Variants in SNTG2 observed in about 807,000 individuals in gnomAD.
SNTG2 encodes syntrophin gamma 2.
SNTG2 carries 74 observed loss-of-function variants against 70.9 expected under a neutral mutation model. That is an observed-to-expected ratio of 1.04 (90% CI 0.86 to 1.27). The LOEUF is 1.27. Among genes scored for constraint, SNTG2 ranks in the 50% most tolerant of loss-of-function variants. The pLI, the probability that SNTG2 is intolerant of heterozygous loss-of-function variation, is 0.00. For synonymous variants in SNTG2, 278 were observed against 273.8 expected, an observed-to-expected ratio of 1.02 and a Z score of -0.15; for missense variants, 717 against 690.7, an observed-to-expected ratio of 1.04 and a Z score of -0.43.
intron 1 of SNTG2, among the ~76,000 whole-genome samples, chr2:1,019,868 C>A (rs997068594): frequency 1.8e-4 from 27 of 152,006 alleles, no homozygotes; most frequent in African/African-American, 5.8e-4. Context: ...CATGGTGAAA[C>A]CCCGTCTCTA....
chr2:1,320,490 G>A (rs1681469051), intron 16 of SNTG2, among the ~76,000 whole-genome samples: 1 of 144,754 alleles, frequency 6.9e-6, no homozygotes, highest in East Asian at 2.0e-4. Context: ...CGAGATCATC[G>A]CGCCACTGTA....
At chr2:1,188,122 G>A (rs901258132) in intron 8 of SNTG2, among the ~76,000 whole-genome samples, 46 of 152,310 alleles carry the variant, frequency 3.0e-4, no homozygotes, top group Middle Eastern at 3.4e-3. Flanking sequence ...CAGACACAGC[G>A]TGCTGAAAAC....
chr2:1,266,820 C>G (rs1455474639), intron 13 of SNTG2, among the ~76,000 whole-genome samples: 1 of 127,102 alleles, frequency 7.9e-6, no homozygotes, highest in Non-Finnish European at 1.6e-5. Context: ...GTGGTGTGAT[C>G]TTGGCTTTCT....
chr2:1,312,785 T>G (rs1469513499), intron 15 of SNTG2, among the ~76,000 whole-genome samples: 1 of 152,206 alleles, frequency 6.6e-6, no homozygotes, highest in Admixed American at 6.5e-5. Context: ...CCATGGGACC[T>G]GCTCCTTAGC....
intron 1 of SNTG2, among the ~76,000 whole-genome samples, chr2:1,069,949 C>T (rs1224479370): frequency 5.3e-5 from 8 of 152,110 alleles, no homozygotes; most frequent in African/African-American, 4.8e-5. Flanking sequence ...GCCTAGGTTC[C>T]CTGGACGCTC....
chr2:1,031,507 G>GTTTT (rs1186081047), intron 1 of SNTG2, among the ~76,000 whole-genome samples: 1 of 78,362 alleles, frequency 1.3e-5, no homozygotes, highest in Non-Finnish European at 2.3e-5. Flanking sequence ...ATAGTTCATT[G>GTTTT]TTATATATAT....
At chr2:1,176,651 A>G (rs1671496510) in intron 8 of SNTG2, among the ~76,000 whole-genome samples, 1 of 59,732 alleles carries the variant, frequency 1.7e-5, no homozygotes, top group African/African-American at 6.9e-5. Context: ...AATTTACAAG[A>G]AAAAAAAAAA....
intron 4 of SNTG2, among the ~76,000 whole-genome samples, chr2:1,117,997 G>A (rs1465492684): frequency 6.6e-6 from 1 of 152,072 alleles, no homozygotes. Context: ...ACAGTGCTAT[G>A]TCCAGCCCCC....
At chr2:1,072,275 C>G (rs1053850432) in intron 1 of SNTG2, among the ~76,000 whole-genome samples, 10 of 150,684 alleles carry the variant, frequency 6.6e-5, no homozygotes, top group African/African-American at 2.2e-4. Context: ...CTCTCTTATT[C>G]TGGGCTAATG....
At chr2:1,075,952 A>T (rs986015089) in intron 1 of SNTG2, among the ~76,000 whole-genome samples, 1 of 152,174 alleles carries the variant, frequency 6.6e-6, no homozygotes, top group Non-Finnish European at 1.5e-5. Flanking sequence ...CTCCTTTTAC[A>T]GATCAGGAAG....
chr2:1,229,126 CA>C (rs1676007704), intron 9 of SNTG2, among the ~76,000 whole-genome samples: 1 of 152,100 alleles, frequency 6.6e-6, no homozygotes, highest in Non-Finnish European at 1.5e-5. Flanking sequence ...AAAGCTTCCA[CA>C]GTGTGGAAGG....
intron 16 of SNTG2, among the ~76,000 whole-genome samples, chr2:1,356,110 G>T (rs1484326548): frequency 1.3e-5 from 2 of 152,134 alleles, no homozygotes; most frequent in Admixed American, 6.5e-5. Flanking sequence ...GATATGGTTT[G>T]TAGGTATTTT....
At chr2:984,862 A>T (rs190253321) in intron 1 of SNTG2, among the ~76,000 whole-genome samples, 1 of 152,192 alleles carries the variant, frequency 6.6e-6, no homozygotes, top group Admixed American at 6.5e-5. Flanking sequence ...TCTAATGCTT[A>T]TTTTATTGGG....
At chr2:1,296,262 C>T (rs1238108688) in intron 14 of SNTG2, among the ~76,000 whole-genome samples, 1 of 152,238 alleles carries the variant, frequency 6.6e-6, no homozygotes, top group African/African-American at 2.4e-5. Flanking sequence ...AGCTGCTGAC[C>T]AACTGGGTGC....
At chr2:1,113,519 G>T (rs1244885189) in intron 4 of SNTG2, among the ~76,000 whole-genome samples, 2 of 152,018 alleles carry the variant, frequency 1.3e-5, no homozygotes, top group East Asian at 3.9e-4. Flanking sequence ...CTTTGACGAG[G>T]ATTGTGTGTA....
intron 1 of SNTG2, among the ~76,000 whole-genome samples, chr2:1,046,682 T>G (rs1661755101): frequency 6.6e-6 from 1 of 152,174 alleles, no homozygotes; most frequent in Non-Finnish European, 1.5e-5. Context: ...TGAATATAGG[T>G]CTCCAATCTC....
chr2:1,349,223 A>G (rs1419314226), intron 16 of SNTG2, among the ~76,000 whole-genome samples: 1 of 152,188 alleles, frequency 6.6e-6, no homozygotes, highest in Non-Finnish European at 1.5e-5. Flanking sequence ...TCACTGGTCC[A>G]AGTGGCATCA....
In SNTG2 at chr2:1,259,507, G is replaced by A. The variant is rs377737857; in HGVS notation, c.1077+66G>A. ...GATGCCCTTTGGGCTTGCAGAATGA[G>A]AGGATTGTTTGTTCTGCGTGGTCCA... On this transcript the variant is annotated intron_variant, in intron 13 of 16. Transcript: ENST00000308624. 31 of 1,332,232 alleles carry A rather than the reference G, an allele frequency of 2.3e-5. No homozygotes were observed. The African/African-American group carries it at 3.5e-4, about 15-fold the overall frequency. The allele number at this position is 1,332,232 out of a possible 1,614,324, so 82.5% of individuals were successfully genotyped here. A position where few individuals can be genotyped will look rare whatever the true frequency, so the allele number is the denominator to read the frequency against.
In SNTG2 at chr2:1,220,814, G is replaced by A. The variant is rs113074892; in HGVS notation, c.719+11584G>A. ...GAAGCCAGTGCTGCCTTCAACACCC[G>A]GCAGTTCTGGTGGGGGTGTCTTCCG... On this transcript the variant is annotated intron_variant, in intron 9 of 16. Transcript: ENST00000308624. 6.5e-3 allele frequency among the ~76,000 whole-genome samples: 991 copies of A among 152,296 alleles called. 11 individuals carry two copies. The highest frequency in any genetic ancestry group is 0.023 in the African/African-American group (936 of 41,566).
Sources: gnomAD v4.1 joint callset for allele counts (sites outside exome capture counted in the v4.1 genomes callset) on GRCh38, gnomAD v4.1.1 for gene constraint, MANE v1.5 for transcripts, NCBI Gene and HGNC (gene_info 2026-07-23, HGNC 2026-07-21) for gene names.